FHIT: variants seen among roughly 807,000 people sequenced by gnomAD.
FHIT encodes fragile histidine triad diadenosine triphosphatase, also known as bis(5'-adenosyl)-triphosphatase.
In FHIT, 19 loss-of-function variants were observed where a neutral mutation model predicts 17.9. The ratio of observed to expected loss-of-function variants is 1.06; its 90% CI spans 0.74 to 1.56. The LOEUF (loss-of-function observed/expected upper bound fraction) is 1.56, where lower values mean the gene tolerates loss of function less well. Ranked by LOEUF, FHIT falls within the 40% of genes most tolerant of loss-of-function variation. FHIT has a pLI of 0.00. For synonymous variants in FHIT, 81 were observed against 69.7 expected, an observed-to-expected ratio of 1.16 and a Z score of -0.81; for missense variants, 248 against 189.2, an observed-to-expected ratio of 1.31 and a Z score of -1.82.
chr3:60,121,965 T>A (rs1185362517), intron 5 of FHIT, among the ~76,000 whole-genome samples: 1 of 152,194 alleles, frequency 6.6e-6, no homozygotes. Flanking sequence ...AAACCAAGGA[T>A]AATTTATCAG....
rs2039691595 is a variant in FHIT at position 60,640,218 on chromosome 3, G to C, written c.-17-103239C>G. ...CACCTTGATTTTGGTGGACTCATGGGTGTATCCCTCTTTTAAAGCTCAATG... is the reference window on the plus strand; with the variant it reads ...CACCTTGATTTTGGTGGACTCATGGCTGTATCCCTCTTTTAAAGCTCAATG... On this transcript the variant is annotated intron_variant, in intron 4 of 9. Transcript: ENST00000492590. 2.6e-5 allele frequency among the ~76,000 whole-genome samples: 4 copies of C among 152,136 alleles called. No individual in the cohort carries two copies. The South Asian group carries it at 8.3e-4, about 32-fold the overall frequency.
intron 3 of FHIT, among the ~76,000 whole-genome samples, chr3:60,849,463 T>TATATATAA (rs1169667916): frequency 6.9e-6 from 1 of 144,952 alleles, no homozygotes; most frequent in African/African-American, 2.5e-5. Context: ...TATATATATA[T>TATATATAA]AAAATTATTA....
intron 5 of FHIT, among the ~76,000 whole-genome samples, chr3:60,515,224 C>T (rs1343694488): frequency 6.6e-6 from 1 of 152,140 alleles, no homozygotes; most frequent in Non-Finnish European, 1.5e-5. Context: ...CAACTGTAGG[C>T]CTGATGTGGA....
At chr3:61,197,164 A>G (rs767911494) in intron 2 of FHIT, among the ~76,000 whole-genome samples, 3 of 152,230 alleles carry the variant, frequency 2.0e-5, no homozygotes, top group Non-Finnish European at 4.4e-5. Context: ...TATTCATGGC[A>G]TGATAGTAAT....
intron 5 of FHIT, among the ~76,000 whole-genome samples, chr3:60,418,725 C>A (rs912101882): frequency 3.3e-5 from 5 of 150,786 alleles, no homozygotes; most frequent in African/African-American, 1.2e-4. Context: ...TGCTACTGCA[C>A]TCCAGCATGG....
At chr3:60,187,850 G>A (rs1297364318) in intron 5 of FHIT, among the ~76,000 whole-genome samples, 1 of 152,050 alleles carries the variant, frequency 6.6e-6, no homozygotes, top group Non-Finnish European at 1.5e-5. Flanking sequence ...ATCATAGCTG[G>A]TAATCACTCC....
chr3:60,025,157 C>A (rs1042227092), intron 5 of FHIT, among the ~76,000 whole-genome samples: 3 of 152,142 alleles, frequency 2.0e-5, no homozygotes, highest in Admixed American at 6.5e-5. Flanking sequence ...ATGTAGCTCA[C>A]CATTTGGAGA....
chr3:60,349,541 T>C (rs1371886540), intron 5 of FHIT, among the ~76,000 whole-genome samples: 2 of 152,180 alleles, frequency 1.3e-5, no homozygotes, highest in Admixed American at 6.5e-5. Context: ...AAATATATAA[T>C]TGATAAGCAA....
At chr3:61,120,592 A>C (rs56366514) in intron 2 of FHIT, among the ~76,000 whole-genome samples, 3,010 of 152,230 alleles carry the variant, frequency 0.02, 38 homozygotes, top group Middle Eastern at 0.031. Context: ...TGCCTTTAGA[A>C]ATCCCCAACC....
At chr3:60,960,519 CCCATTA>C (rs1553780404) in intron 3 of FHIT, among the ~76,000 whole-genome samples, 1 of 152,136 alleles carries the variant, frequency 6.6e-6, no homozygotes, top group Non-Finnish European at 1.5e-5. Context: ...GTGTGCTGCA[CCCATTA>C]ACTCATCATT....
In FHIT at chr3:61,197,061, TTGC is replaced by T. The variant is rs777927987; in HGVS notation, c.-164+3553_-164+3555del. Among the ~76,000 whole-genome samples the T allele has an allele frequency of 6.9e-4, 105 of 152,262 alleles. No homozygotes were observed. In the Middle Eastern group the frequency reaches 0.017, roughly 25 times the overall value. ...GCACAAGCACTATACAAGGTGGTTG[TTGC>T]TGTTGTCGTTGTTGTTGTTGTTTAA... On this transcript the variant is annotated intron_variant, in intron 2 of 9. Transcript: ENST00000492590.
rs548125498 is a variant in FHIT, at chr3:60,247,703, A to G, written c.104-233551T>C. ...TTCATAGTAACGTAAGTTCATGTCC[A>G]AGTGCCACAGCTTGCCACTTGCTTG... is the stretch of plus-strand genomic sequence containing the variant. On this transcript the variant is annotated intron_variant, in intron 5 of 9. Transcript: ENST00000492590. 2.6e-5 allele frequency among the ~76,000 whole-genome samples: 4 copies of G among 152,228 alleles called. No homozygotes were observed. The South Asian group carries it at 8.3e-4, about 32-fold the overall frequency.
At chr3:60,515,627 T>G (rs919606720) in intron 5 of FHIT, among the ~76,000 whole-genome samples, 4 of 151,886 alleles carry the variant, frequency 2.6e-5, no homozygotes, top group African/African-American at 9.7e-5. Flanking sequence ...TAAGAAAACT[T>G]GTAGAACACA....
intron 5 of FHIT, among the ~76,000 whole-genome samples, chr3:60,380,073 A>T (rs2736827): frequency 0.063 from 9,656 of 152,252 alleles, 1,048 homozygotes; most frequent in African/African-American, 0.22. Flanking sequence ...CAGCAATCCT[A>T]AAAGGTAAGT....
chr3:60,599,544 C>T (rs2107710872), intron 4 of FHIT, among the ~76,000 whole-genome samples: 1 of 152,252 alleles, frequency 6.6e-6, no homozygotes, highest in South Asian at 2.1e-4. Context: ...AACATCATCA[C>T]AGTTATAAAC....
intron 5 of FHIT, among the ~76,000 whole-genome samples, chr3:60,474,903 G>C (rs1245965359): frequency 6.6e-6 from 1 of 152,094 alleles, no homozygotes; most frequent in African/African-American, 2.4e-5. Flanking sequence ...GATTACAGGC[G>C]TGAGCCACCG....
chr3:59,780,540 C>A (rs534998667), intron 8 of FHIT, among the ~76,000 whole-genome samples: 2 of 152,154 alleles, frequency 1.3e-5, no homozygotes, highest in African/African-American at 2.4e-5. Context: ...GTGTGTGCCC[C>A]CACCACTTCC....
At chr3:60,355,531 G>C (rs1245541901) in intron 5 of FHIT, among the ~76,000 whole-genome samples, 2 of 150,804 alleles carry the variant, frequency 1.3e-5, no homozygotes, top group African/African-American at 4.9e-5. Context: ...AATTTCAAAA[G>C]GCTGCATACA....
chr3:59,846,518 A>T (rs1189805905), intron 8 of FHIT, among the ~76,000 whole-genome samples: 3 of 152,166 alleles, frequency 2.0e-5, no homozygotes, highest in African/African-American at 7.2e-5. Flanking sequence ...TGGAGTTATA[A>T]ACCAAAGTTA....
Sources: gnomAD v4.1 joint callset for allele counts (sites outside exome capture counted in the v4.1 genomes callset) on GRCh38, gnomAD v4.1.1 for gene constraint, MANE v1.5 for transcripts, NCBI Gene and HGNC (gene_info 2026-07-23, HGNC 2026-07-21) for gene names.